The following TP53BP1 variants were observed in gnomAD, a reference collection of about 807,000 sequenced individuals.
TP53BP1 encodes TP53-binding protein 1.
A neutral mutation model predicts 200.8 loss-of-function variants in TP53BP1; 61 were observed. The ratio of observed to expected loss-of-function variants is 0.30; its 90% confidence interval spans 0.25 to 0.38. The LOEUF is 0.38. TP53BP1 is among the 10% of genes least tolerant of loss of function. The pLI is 1.00. For synonymous variants in TP53BP1, 822 were observed against 844.3 expected, an observed-to-expected ratio of 0.97 and a Z score of 0.46; for missense variants, 2,144 against 2,371.9, an observed-to-expected ratio of 0.90 and a Z score of 2.00.
chr15:43,417,518 G>A (rs1036015074), intron 21 of TP53BP1, among the ~76,000 whole-genome samples: 1 of 152,350 alleles, frequency 6.6e-6, no homozygotes, highest in Middle Eastern at 3.4e-3. Flanking sequence ...CTAATGAAGA[G>A]CTACTAGAAC....
chr15:43,419,536 C>CTTTT (rs34159488), intron 21 of TP53BP1, among the ~76,000 whole-genome samples: 1 of 73,404 alleles, frequency 1.4e-5, no homozygotes, highest in Non-Finnish European at 2.3e-5. Flanking sequence ...ATTTATGTTC[C>CTTTT]TTTTTTTTTT....
intron 1 of TP53BP1, among the ~76,000 whole-genome samples, chr15:43,500,802 CAG>C (rs1400390713): frequency 1.3e-5 from 2 of 152,096 alleles, no homozygotes; most frequent in African/African-American, 2.4e-5. Context: ...GCCTGGGCGA[CAG>C]AGTGAGACTC....
chr15:43,495,534 A>ACACAC (rs1566970727), upstream of TP53BP1, among the ~76,000 whole-genome samples: 7 of 102,878 alleles, frequency 6.8e-5, no homozygotes, highest in African/African-American at 1.2e-4. Flanking sequence ...CACACACACA[A>ACACAC]AAGCCAGGTG....
At chr15:43,472,614 C>G (rs902411606) in intron 10 of TP53BP1, among the ~76,000 whole-genome samples, 1 of 152,154 alleles carries the variant, frequency 6.6e-6, no homozygotes, top group Non-Finnish European at 1.5e-5. Context: ...ATTTTAATAG[C>G]AAAAATAACC....
chr15:43,455,897 G>C lies in TP53BP1; in HGVS notation c.2711C>G (p.Ser904Cys), dbSNP rs944474760. The change falls in exon 12 of 28, where the codon TCT (serine) becomes TGT (cysteine). Residue 904 changes from serine to cysteine, a missense_variant. Ser to Cys is a moderately radical substitution (Grantham distance 112). Around this residue, in one of 4 missense-constraint regions of TP53BP1, gnomAD observed 1,700 missense variants for 1,710.3 expected, o/e 0.99. Transcript: ENST00000382044. ...AHASQSFCES[S>C]SETPFHFTLP... Reference sequence around the variant, plus strand: ...TAATCTACAATCACACTCACCACTAGAACTTTCACAGAAGCTTTGTGAGGC... The same window carrying C: ...TAATCTACAATCACACTCACCACTACAACTTTCACAGAAGCTTTGTGAGGC... 8 of 1,613,946 alleles carry C rather than the reference G, an allele frequency of 5.0e-6. No individual in the cohort carries two copies. Among genetic ancestry groups the C allele is most frequent in the Non-Finnish European group, 6.8e-6 (8 of 1,179,990 alleles).
In TP53BP1 at chr15:43,481,059, T is replaced by C. The variant is rs768022499; in HGVS notation, c.372-37A>G. On this transcript the variant is annotated intron_variant, in intron 4 of 27. Transcript: ENST00000382044. The stretch of plus-strand genomic sequence containing the variant: ...AAGGATATAATCATGTGTTCCCAGA[T>C]AGTTTGGGACACTTTAATCAGAGCA... 7 of 1,613,438 alleles carry C rather than the reference T, an allele frequency of 4.3e-6. No homozygotes were observed. In the South Asian group the frequency reaches 5.5e-5, roughly 13 times the overall value.
chr15:43,423,693 A>G (rs1362839097), intron 18 of TP53BP1, among the ~76,000 whole-genome samples: 1 of 151,860 alleles, frequency 6.6e-6, no homozygotes, highest in Non-Finnish European at 1.5e-5. Flanking sequence ...GAGACTGTAT[A>G]TAATGACACA....
rs780322487 is a variant in TP53BP1 at position 43,447,378 on chromosome 15, T to C, written c.2824A>G (p.Ser942Gly). The C allele has an allele frequency of 4.4e-6, 7 of 1,599,676 alleles. No homozygotes were observed. The highest frequency in any genetic ancestry group is 5.9e-6 in the Non-Finnish European group (7 of 1,176,662). The change falls in exon 13 of 28, where the codon AGT (serine) becomes GGT (glycine). Residue 942 changes from serine to glycine, a missense_variant. Transcript: ENST00000382044. ...GHLKLEPKRH[S>G]TPIGISNYPE... ...TTTATTCACTCACCAATAGGAGTAC[T>C]GTGTCTCTTGGGCTCCAATTTTAGG... is the stretch of plus-strand genomic sequence containing the variant.
chr15:43,459,245 G>A (rs763643592), intron 11 of TP53BP1, among the ~76,000 whole-genome samples: 23 of 152,086 alleles, frequency 1.5e-4, no homozygotes, highest in Non-Finnish European at 3.1e-4. Flanking sequence ...GCTGAGGCAC[G>A]AGAATTGCTT....
At chr15:43,487,488 C>T (rs2439832) in intron 4 of TP53BP1, among the ~76,000 whole-genome samples, 42,619 of 151,954 alleles carry the variant, frequency 0.28, 10,208 homozygotes, top group African/African-American at 0.65. Context: ...AAGACTTATG[C>T]TCACAGAAAA....
In TP53BP1 at chr15:43,438,431, TAAA is replaced by T; in HGVS notation, c.3099-18_3099-16del. 2 of 1,590,606 alleles carry T rather than the reference TAAA, an allele frequency of 1.3e-6. No individual in the cohort carries two copies. The highest frequency in any genetic ancestry group is 1.7e-6 in the Non-Finnish European group (2 of 1,164,568). On this transcript the variant is annotated splice_polypyrimidine_tract_variant and intron_variant, in intron 15 of 27. Transcript: ENST00000382044. ...TCTTCTGGGGACTAAGACAATATAT[TAAA>T]GCAATATATTGTTAACTTTGAAAAG...
rs991244831 is a variant in TP53BP1, at chr15:43,488,572, A to G, written c.371+3097T>C. Among the ~76,000 whole-genome samples the G allele has an allele frequency of 6.6e-4, 100 of 152,188 alleles. 6 individuals are homozygous for G. Among genetic ancestry groups the G allele is most frequent in the Non-Finnish European group, 1.5e-5 (1 of 68,042 alleles). On this transcript the variant is annotated intron_variant, in intron 4 of 27. Coordinates refer to ENST00000382044, the MANE Select transcript of TP53BP1 (RefSeq NM_001141980.3). ...ACACACGCATACACACACACATAAA[A>G]AGAAGTAAAACAGGAAATGTGAATA...
chr15:43,446,753 C>T, intron 13 of TP53BP1, 163 bp from the exon 14 acceptor site: 1 of 1,508,924 alleles, frequency 6.6e-7, no homozygotes, highest in Non-Finnish European at 8.9e-7. Flanking sequence ...CAACTACGAA[C>T]TAGTATTGAC....
At chr15:43,463,035 C>T (rs1052670047) in intron 11 of TP53BP1, among the ~76,000 whole-genome samples, 11 of 151,826 alleles carry the variant, frequency 7.2e-5, no homozygotes, top group African/African-American at 2.7e-4. Context: ...CCAGCCTGGG[C>T]GACAGAGTGA....
intron 4 of TP53BP1, among the ~76,000 whole-genome samples, chr15:43,482,497 G>C (rs1445526721): frequency 6.6e-6 from 1 of 151,854 alleles, no homozygotes; most frequent in African/African-American, 2.4e-5. Context: ...GGCTGGGCGC[G>C]GTGGCTCATG....
Position 43,403,753 on chromosome 15 carries a change from G to C in TP53BP1, c.*3630C>G, listed in dbSNP as rs1555396941. 6.2e-7 allele frequency: 1 copy of C among 1,613,850 alleles called. No homozygotes were observed. Among genetic ancestry groups the C allele is most frequent in the East Asian group, 2.2e-5 (1 of 44,876 alleles). The stretch of plus-strand genomic sequence containing the variant: ...TGTTCGCTGGTCAGTCAGAACCTAG[G>C]CCCACTGGATGAGCGTGGAGCCGCC... On this transcript the variant is annotated 3_prime_UTR_variant, in exon 28 of 28. Transcript: ENST00000382044.
chr15:43,475,163 C>T (rs111938777), intron 9 of TP53BP1, among the ~76,000 whole-genome samples: 2 of 152,038 alleles, frequency 1.3e-5, no homozygotes, highest in African/African-American at 4.8e-5. Context: ...AAAACTAAAA[C>T]TAAACAAAAA....
At chr15:43,442,140 C>T (rs1205289242) in intron 14 of TP53BP1, among the ~76,000 whole-genome samples, 1 of 143,980 alleles carries the variant, frequency 6.9e-6, no homozygotes, top group Non-Finnish European at 1.5e-5. Flanking sequence ...GGCTGGAGTG[C>T]AGTGGCGCAA....
rs918615231 is a variant in TP53BP1, at chr15:43,407,123, T to C, written c.*260A>G. Reference sequence around the variant, plus strand: ...TCCTTGGCCAGCTGTCCTCCGTAAGTGAATAAGCCTGTTGAAAGACTCAGA... The same window carrying C: ...TCCTTGGCCAGCTGTCCTCCGTAAGCGAATAAGCCTGTTGAAAGACTCAGA... On this transcript the variant is annotated 3_prime_UTR_variant, in exon 28 of 28. Transcript: ENST00000382044. The C allele has an allele frequency of 1.3e-5, 5 of 391,184 alleles. No individual in the cohort carries two copies. The Admixed American group carries it at 2.0e-4, about 16-fold the overall frequency. 24.2% of individuals were successfully genotyped at this position (391,184 alleles called of 1,614,324 possible). A position where few individuals can be genotyped will look rare whatever the true frequency, so the allele number is the denominator to read the frequency against.
Sources: gnomAD v4.1 joint callset for allele counts (sites outside exome capture counted in the v4.1 genomes callset) on GRCh38, gnomAD v4.1.1 for gene constraint, gnomAD v4.1.1 regional missense constraint, MANE v1.5 for transcripts, NCBI Gene and HGNC (gene_info 2026-07-23, HGNC 2026-07-21) for gene names.